The following CNTFR variants were observed in gnomAD, a reference collection of about 807,000 sequenced individuals.
CNTFR encodes ciliary neurotrophic factor receptor subunit alpha.
Under a neutral mutation model 40.4 loss-of-function variants are expected in CNTFR, and 12 were observed. That is an observed-to-expected ratio of 0.30 (90% confidence interval 0.19 to 0.48). The LOEUF is 0.48. CNTFR is among the 20% of genes least tolerant of loss of function. The pLI, the probability that CNTFR is intolerant of heterozygous loss-of-function variation, is 0.99. For synonymous variants in CNTFR, 202 were observed against 209.6 expected (o/e 0.96, Z 0.31); for missense variants, 414 against 506.8 (o/e 0.82, Z 1.76).
In CNTFR at chr9:34,558,053, G is replaced by GT. The variant is rs1398574214; in HGVS notation, c.320-70dup. 8.8e-6 allele frequency: 10 copies of GT among 1,130,564 alleles called. No homozygotes were observed. The African/African-American group carries it at 1.6e-4, about 18-fold the overall frequency. The allele number at this position is 1,130,564 out of a possible 1,614,324, so 70.0% of individuals were successfully genotyped here. ...AGTCCCCTGCACTGTATGGGGACAGGTGGGCCCCAGAGCCCCAGCTCTCCC... is the reference window on the plus strand; with the variant it reads ...AGTCCCCTGCACTGTATGGGGACAGGTTGGGCCCCAGAGCCCCAGCTCTCCC... On this transcript the variant is annotated intron_variant, in intron 4 of 9. Coordinates refer to ENST00000378980, the MANE Select transcript of CNTFR (RefSeq NM_147164.3).
At chr9:34,574,600 G>C (rs570381769) in intron 2 of CNTFR, among the ~76,000 whole-genome samples, 2 of 152,364 alleles carry the variant, frequency 1.3e-5, no homozygotes, top group African/African-American at 4.8e-5. Context: ...GGCAGGGGGA[G>C]TGGTCCCCCA....
In CNTFR at chr9:34,556,283, C is replaced by A; in HGVS notation, c.740G>T (p.Arg247Leu). 1 of 1,613,022 alleles carries A rather than the reference C, an allele frequency of 6.2e-7. No homozygotes were observed. The highest frequency in any genetic ancestry group is 1.1e-5 in the South Asian group (1 of 90,840). The change falls in exon 7 of 10, where the codon CGA becomes CTA. Residue 247 changes from arginine (R) to leucine (L), a missense_variant. By Grantham distance (102) the Arg-to-Leu change is moderately radical (BLOSUM62 -2). Around this residue, in one of 3 missense-constraint regions of CNTFR, gnomAD observed 83 missense variants for 145.0 expected, o/e 0.57. Transcript: ENST00000378980. ...CTGCCACTGGTCCAGGATGAGGGGT[C>A]GGTAGCGCAGAAAGAACTTGAGAGG... Reference protein sequence around the residue: ...SFPLKFFLRYRPLILDQWQHV... With the variant: ...SFPLKFFLRYLPLILDQWQHV...
intron 7 of CNTFR, among the ~76,000 whole-genome samples, chr9:34,555,843 G>A (rs990142857): frequency 2.6e-5 from 4 of 151,648 alleles, no homozygotes; most frequent in Non-Finnish European, 5.9e-5. Context: ...GCCTGGTCAG[G>A]GCTGAGAGCG....
chr9:34,562,921 T>C (rs1826127147), intron 4 of CNTFR, among the ~76,000 whole-genome samples: 1 of 152,158 alleles, frequency 6.6e-6, no homozygotes, highest in Non-Finnish European at 1.5e-5. Flanking sequence ...TTCTTATTTC[T>C]TTTTGTGGCT....
At chr9:34,579,168 G>T (rs1052525606) in intron 2 of CNTFR, among the ~76,000 whole-genome samples, 5 of 152,176 alleles carry the variant, frequency 3.3e-5, no homozygotes, top group Admixed American at 3.3e-4. Flanking sequence ...TCGCCCCTGT[G>T]GGGGAGGGGT....
In CNTFR at chr9:34,552,077, G is replaced by A. The variant is rs777239566; in HGVS notation, c.*-6C>T. On this transcript the variant is annotated splice_region_variant and splice_polypyrimidine_tract_variant and intron_variant, in intron 9 of 9. Transcript: ENST00000378980. This position sits in a 1 kb window ranked among gnomAD's most constrained non-coding sequence, Gnocchi z 5.1. ...TCCTCATGGGGTGCCGGGCTCTGTA[G>A]AGACAGGCAGGGGCCTGTCAGGGAG... The A allele has an allele frequency of 6.5e-7, 1 of 1,540,708 alleles. No individual in the cohort carries two copies. Among genetic ancestry groups the A allele is most frequent in the Non-Finnish European group, 8.9e-7 (1 of 1,118,666 alleles).
At chr9:34,575,597 C>T (rs1294320367) in intron 2 of CNTFR, among the ~76,000 whole-genome samples, 2 of 152,068 alleles carry the variant, frequency 1.3e-5, no homozygotes, top group Non-Finnish European at 2.9e-5. Context: ...ACCCCTGGCC[C>T]CATCACTGCT....
chr9:34,579,824 C>T (rs542285682), intron 2 of CNTFR, among the ~76,000 whole-genome samples: 50 of 152,196 alleles, frequency 3.3e-4, no homozygotes, highest in Non-Finnish European at 6.5e-4. Context: ...TAAAGTGGTG[C>T]TGGAGGTGCT....
chr9:34,582,082 T>G (rs1003650714), intron 1 of CNTFR, among the ~76,000 whole-genome samples: 1 of 152,150 alleles, frequency 6.6e-6, no homozygotes, highest in African/African-American at 2.4e-5. Flanking sequence ...CAGACTAGCC[T>G]GGGCAACATA....
At chr9:34,554,626 G>A (rs1325581968) in intron 7 of CNTFR, among the ~76,000 whole-genome samples, 1 of 152,230 alleles carries the variant, frequency 6.6e-6, no homozygotes, top group Non-Finnish European at 1.5e-5. Flanking sequence ...GGGAACCCAT[G>A]CTGGGTCCCA....
intron 3 of CNTFR, among the ~76,000 whole-genome samples, chr9:34,567,748 C>T (rs77630917): frequency 0.022 from 3,327 of 152,248 alleles, 68 homozygotes; most frequent in South Asian, 0.072. Flanking sequence ...CAATGTCACA[C>T]GTGAGGAACA....
intron 1 of CNTFR, among the ~76,000 whole-genome samples, chr9:34,583,935 TC>T (rs1421290000): frequency 6.6e-6 from 1 of 152,056 alleles, no homozygotes; most frequent in Non-Finnish European, 1.5e-5. Flanking sequence ...ACTGTGCAGC[TC>T]CCTTCTGGAG....
At chr9:34,573,652 C>T (rs1447682862) in intron 2 of CNTFR, among the ~76,000 whole-genome samples, 2 of 152,180 alleles carry the variant, frequency 1.3e-5, no homozygotes, top group African/African-American at 4.8e-5. Flanking sequence ...GCTTCCAGTC[C>T]CCGCTCTGAC....
At chr9:34,572,773 C>T (rs1826738447) in intron 2 of CNTFR, among the ~76,000 whole-genome samples, 2 of 152,196 alleles carry the variant, frequency 1.3e-5, no homozygotes, top group African/African-American at 4.8e-5. Context: ...TGACAGTCAC[C>T]ACGATGACAA....
At position 34,557,192 on chromosome 9, in the gene CNTFR, T is replaced by TG. The variant is rs146387952; in HGVS notation, c.604+333dup. On this transcript the variant is annotated intron_variant, in intron 6 of 9. Coordinates refer to ENST00000378980, the MANE Select transcript of CNTFR (RefSeq NM_147164.3). This position sits in a 1 kb window ranked among gnomAD's most constrained non-coding sequence, Gnocchi z 4.2. ...CAGTCCGTAAGGAAGCCATTAGAGT[T>TG]GGGGGGGGGTGCGGTGGAGGCTGCA... Among the ~76,000 whole-genome samples, 78,443 of 134,348 alleles carry TG rather than the reference T, an allele frequency of 0.58. 24,315 individuals carry two copies. The highest frequency in any genetic ancestry group is 0.7 in the Non-Finnish European group (44,510 of 63,290). The allele number at this position is 134,348 out of a possible 152,430, so 88.1% of individuals were successfully genotyped here. A position where few individuals can be genotyped will look rare whatever the true frequency, so the allele number is the denominator to read the frequency against.
At position 34,559,524 on chromosome 9, in the gene CNTFR, C is replaced by T. The variant is rs112857578; in HGVS notation, c.320-1540G>A. On this transcript the variant is annotated intron_variant, in intron 4 of 9. Transcript: ENST00000378980. ...TGTGTGCCTCCCTTGGGAAGCCTTC[C>T]GGGCCCTGCGTCCATCTCATGTCGT... Among the ~76,000 whole-genome samples, 9 of 152,174 alleles carry T rather than the reference C, an allele frequency of 5.9e-5. No individual in the cohort carries two copies. In the East Asian group the frequency reaches 1.2e-3, roughly 20 times the overall value.
intron 2 of CNTFR, among the ~76,000 whole-genome samples, chr9:34,571,702 G>A (rs1384889410): frequency 6.6e-6 from 1 of 152,102 alleles, no homozygotes; most frequent in Non-Finnish European, 1.5e-5. Context: ...CACGGGAGAC[G>A]GGTGCTGCTG....
intron 1 of CNTFR, among the ~76,000 whole-genome samples, chr9:34,583,112 A>C (rs372109281): frequency 5.3e-5 from 8 of 152,272 alleles, no homozygotes; most frequent in African/African-American, 1.9e-4. Flanking sequence ...AGCTGCTGCC[A>C]GACCAGCCCC....
chr9:34,564,837 GGGGGGT>G lies in CNTFR; in HGVS notation c.86-11_86-6del. The G allele has an allele frequency of 6.2e-7, 1 of 1,611,714 alleles. No individual in the cohort carries two copies. Among genetic ancestry groups the G allele is most frequent in the Non-Finnish European group, 8.5e-7 (1 of 1,179,322 alleles). Reference sequence around the variant, plus strand: ...CGTACTGCACATGGGGTGCCTCTGTGGGGGGTGGGGGCACAGGGCAAAAGTCACAGG... The same window carrying G: ...CGTACTGCACATGGGGTGCCTCTGTGGGGGGCACAGGGCAAAAGTCACAGG... On this transcript the variant is annotated splice_region_variant and splice_polypyrimidine_tract_variant and intron_variant, in intron 3 of 9. Coordinates refer to ENST00000378980, the MANE Select transcript of CNTFR (RefSeq NM_147164.3).
Sources: gnomAD v4.1 joint callset for allele counts (sites outside exome capture counted in the v4.1 genomes callset) on GRCh38, gnomAD v4.1.1 for gene constraint, gnomAD v4.1.1 regional missense constraint, Gnocchi (gnomAD v3.1) non-coding constraint, MANE v1.5 for transcripts, NCBI Gene and HGNC (gene_info 2026-07-23, HGNC 2026-07-21) for gene names.